Variants in TP73 observed in about 807,000 individuals in gnomAD.
TP73 encodes tumor protein p73.
Under a neutral mutation model 62.5 loss-of-function variants are expected in TP73, and 25 were observed. That is an observed-to-expected ratio of 0.40 (90% confidence interval 0.29 to 0.56). TP73 has a LOEUF of 0.56. TP73 is among the 20% of genes least tolerant of loss of function. TP73 has a pLI of 0.46. For synonymous variants in TP73, 423 were observed against 377.5 expected (o/e 1.12, Z -1.40); for missense variants, 754 against 913.3 (o/e 0.83, Z 2.25).
Position 3,690,709 on chromosome 1 carries a change from A to G in TP73, c.186+7529A>G. 3 of 1,429,572 alleles carry G rather than the reference A, an allele frequency of 2.1e-6. 1 individual carries two copies. The South Asian group carries it at 4.4e-5, about 21-fold the overall frequency. The allele number at this position is 1,429,572 out of a possible 1,614,324, so 88.6% of individuals were successfully genotyped here. On this transcript the variant is annotated intron_variant, in intron 3 of 13. Transcript: ENST00000378295. ...TTGACAGAACTAAGGGAGATGGGAAAAGCGAAAATGCCAACAAACGGCCCG... is the reference window on the plus strand; with the variant it reads ...TTGACAGAACTAAGGGAGATGGGAAGAGCGAAAATGCCAACAAACGGCCCG...
Position 3,727,773 on chromosome 1 carries a change from G to A in TP73, c.985+3G>A. The A allele has an allele frequency of 6.5e-7, 1 of 1,533,992 alleles. No individual in the cohort carries two copies. Among genetic ancestry groups the A allele is most frequent in the Non-Finnish European group, 8.8e-7 (1 of 1,139,110 alleles). ...GAACGGGGCCGCCAGCAAGCGTGGT[G>A]AGCGGCCGGCCAGGGGAACTGGACG... On this transcript the variant is annotated splice_donor_region_variant and intron_variant, in intron 8 of 13. Transcript: ENST00000378295.
Position 3,733,945 on chromosome 1 carries a change from T to A in TP73, c.*866T>A, listed in dbSNP as rs1036865964. 1 of 150,734 alleles carries A rather than the reference T, an allele frequency of 6.6e-6. No homozygotes were observed. The highest frequency in any genetic ancestry group is 1.5e-5 in the Non-Finnish European group (1 of 67,552). The allele number at this position is 150,734 out of a possible 1,614,324, so 9.3% of individuals were successfully genotyped here. On this transcript the variant is annotated 3_prime_UTR_variant, in exon 14 of 14. Coordinates refer to ENST00000378295, the MANE Select transcript of TP73 (RefSeq NM_005427.4). ...TTTTTTTTTTTTTTTTTTAACTTTC[T>A]TTCTCAGCATTCTCTTTGGAGTTCA...
intron 3 of TP73, among the ~76,000 whole-genome samples, chr1:3,695,458 C>A (rs971375234): frequency 1.3e-5 from 2 of 152,200 alleles, no homozygotes; most frequent in Non-Finnish European, 2.9e-5. Context: ...CACCCTTGGG[C>A]CTGGCCTGTT....
At chr1:3,703,869 G>A (rs1278067592) in intron 3 of TP73, among the ~76,000 whole-genome samples, 2 of 152,224 alleles carry the variant, frequency 1.3e-5, no homozygotes, top group Non-Finnish European at 2.9e-5. Flanking sequence ...CAGGAATGGG[G>A]AAGTCGTGCA....
rs1304159459 is a variant in TP73, at chr1:3,697,972, C to G, written c.187-9577C>G. 7.2e-6 allele frequency: 4 copies of G among 558,570 alleles called. No homozygotes were observed. In the African/African-American group the frequency reaches 8.2e-5, roughly 11 times the overall value. The allele number at this position is 558,570 out of a possible 1,614,324, so 34.6% of individuals were successfully genotyped here. A position where few individuals can be genotyped will look rare whatever the true frequency, so the allele number is the denominator to read the frequency against. On this transcript the variant is annotated intron_variant, in intron 3 of 13. Transcript: ENST00000378295. ...GTGGCACGCCCCGTGACTGCCTCCC[C>G]CTCCCTGTACCCTGCACTGCACGTG... is the stretch of plus-strand genomic sequence containing the variant.
At position 3,707,569 on chromosome 1, in the gene TP73, C is replaced by A; in HGVS notation, c.207C>A (p.Ser69Arg). 1.2e-6 allele frequency: 2 copies of A among 1,611,786 alleles called. No individual in the cohort carries two copies. The highest frequency in any genetic ancestry group is 1.7e-6 in the Non-Finnish European group (2 of 1,179,166). The change falls in exon 4 of 14, where the codon AGC becomes AGA. Residue 69 changes from serine to arginine, a missense_variant. Around this residue, in one of 3 missense-constraint regions of TP73, gnomAD observed 235 missense variants for 251.4 expected, o/e 0.93. Coordinates refer to ENST00000378295, the MANE Select transcript of TP73 (RefSeq NM_005427.4). ...TSVMAQFNLL[S>R]STMDQMSSRA... ...GCCAGGCCCAGTTCAATCTGCTGAG[C>A]AGCACCATGGACCAGATGAGCAGCC...
intron 12 of TP73, 139 bp from the exon 13 acceptor site, chr1:3,731,324 G>A (rs754663857): frequency 2.6e-5 from 25 of 970,012 alleles, no homozygotes; most frequent in Middle Eastern, 3.1e-4. Flanking sequence ...GAGGGATGCC[G>A]TGGCCACCTG....
At chr1:3,730,831 G>T (rs1434146963) in intron 11 of TP73, 96 bp from the exon 12 acceptor site, 21 of 1,440,604 alleles carry the variant, frequency 1.5e-5, no homozygotes, top group Non-Finnish European at 1.8e-5. Context: ...CCTTGGGATG[G>T]CTCCCTGGTG....
At chr1:3,678,757 G>A (rs1645434127) in intron 1 of TP73, among the ~76,000 whole-genome samples, 1 of 152,186 alleles carries the variant, frequency 6.6e-6, no homozygotes, top group African/African-American at 2.4e-5. Context: ...GACTCCCCTG[G>A]AGGCTTGTTA....
intron 3 of TP73, among the ~76,000 whole-genome samples, chr1:3,705,055 G>C (rs140890768): frequency 1.3e-5 from 2 of 152,194 alleles, no homozygotes; most frequent in African/African-American, 2.4e-5. Context: ...TTCGTTTTTT[G>C]AGACAAAGTC....
Position 3,696,542 on chromosome 1 carries a change from CCAAG to C in TP73, c.187-11004_187-11001del, listed in dbSNP as rs1638676084. The stretch of plus-strand genomic sequence containing the variant: ...ACTGGGCACTACGACATCCGAGACA[CCAAG>C]CAGAGGGGGAGATGCAGAGGGGCAG... On this transcript the variant is annotated intron_variant, in intron 3 of 13. Transcript: ENST00000378295. The surrounding 1 kb of genome is among the most constrained non-coding windows in gnomAD (Gnocchi z 4.1). 6.6e-6 allele frequency among the ~76,000 whole-genome samples: 1 copy of C among 151,438 alleles called. No individual in the cohort carries two copies. The highest frequency in any genetic ancestry group is 1.5e-5 in the Non-Finnish European group (1 of 67,890).
chr1:3,691,924 T>C (rs1332817007), intron 3 of TP73, among the ~76,000 whole-genome samples: 1 of 152,222 alleles, frequency 6.6e-6, no homozygotes, highest in Non-Finnish European at 1.5e-5. Context: ...AGGGTGTGTG[T>C]GACAGCGATG....
chr1:3,675,426 G>A (rs974095158), intron 1 of TP73, among the ~76,000 whole-genome samples: 6 of 152,222 alleles, frequency 3.9e-5, no homozygotes, highest in African/African-American at 9.6e-5. Flanking sequence ...GGGAACCACC[G>A]GAATCAGAAG....
At chr1:3,697,631 C>T (rs1205955867) in intron 3 of TP73, among the ~76,000 whole-genome samples, 1 of 152,222 alleles carries the variant, frequency 6.6e-6, no homozygotes, top group Non-Finnish European at 1.5e-5. Context: ...TGTCTCGTGC[C>T]GGCTGCCATC....
At chr1:3,681,301 T>C (rs980111414) in intron 1 of TP73, among the ~76,000 whole-genome samples, 2 of 152,142 alleles carry the variant, frequency 1.3e-5, no homozygotes, top group African/African-American at 2.4e-5. Context: ...ACCGAGGACC[T>C]GGGAGGCTGG....
chr1:3,680,185 G>C (rs956691851), intron 1 of TP73, among the ~76,000 whole-genome samples: 1 of 152,340 alleles, frequency 6.6e-6, no homozygotes, highest in Admixed American at 6.5e-5. Flanking sequence ...CATGTGTCCT[G>C]AGCATGAGGT....
At chr1:3,728,992 A>AG (rs1641900597) in intron 9 of TP73, among the ~76,000 whole-genome samples, 13 of 150,716 alleles carry the variant, frequency 8.6e-5, no homozygotes, top group African/African-American at 3.2e-4. Context: ...TGTCGAAAGA[A>AG]AGAGAGAGAG....
At chr1:3,717,606 G>T (rs1029457045) in intron 4 of TP73, among the ~76,000 whole-genome samples, 1 of 152,158 alleles carries the variant, frequency 6.6e-6, no homozygotes, top group Non-Finnish European at 1.5e-5. Context: ...AGGCTCCACC[G>T]GAGTCCTCCT....
intron 4 of TP73, chr1:3,708,627 C>A (rs1639873385): frequency 6.6e-6 from 1 of 152,340 alleles, no homozygotes; most frequent in African/African-American, 2.4e-5. Context: ...CTGAGCTGCC[C>A]TGCCCAGACA....
Sources: gnomAD v4.1 joint callset for allele counts (sites outside exome capture counted in the v4.1 genomes callset) on GRCh38, gnomAD v4.1.1 for gene constraint, gnomAD v4.1.1 regional missense constraint, Gnocchi (gnomAD v3.1) non-coding constraint, MANE v1.5 for transcripts, NCBI Gene and HGNC (gene_info 2026-07-23, HGNC 2026-07-21) for gene names.